Variants in EPHA7 observed in about 807,000 individuals in gnomAD.
The protein encoded by EPHA7 is ephrin type-A receptor 7.
A neutral mutation model predicts 112.6 loss-of-function variants in EPHA7; 25 were observed. That is an observed-to-expected ratio of 0.22 (90% CI 0.16 to 0.31). EPHA7 has a LOEUF of 0.31. Among genes scored for constraint, EPHA7 ranks in the 10% least tolerant of loss-of-function variants. EPHA7 has a pLI of 1.00. For missense variants in EPHA7, 962 were observed against 1,212.6 expected, an observed-to-expected ratio of 0.79 and a Z score of 3.07; for synonymous variants, 437 against 406.5, an observed-to-expected ratio of 1.07 and a Z score of -0.90.
rs551314692 is a variant in EPHA7 at position 93,320,232 on chromosome 6, G to C, written c.1324+36485C>G. On this transcript the variant is annotated intron_variant, in intron 5 of 16. Transcript: ENST00000369303. ...TTCATGCCTGGTTTTATTTTACTCA[G>C]AAGTGCTTTAATAAATGTCATATTT... Among the ~76,000 whole-genome samples the C allele has an allele frequency of 6.6e-5, 10 of 152,082 alleles. 1 individual carries two copies. In the South Asian group the frequency reaches 2.1e-3, roughly 31 times the overall value.
chr6:93,331,114 A>ATTCC (rs1774571652), intron 5 of EPHA7, among the ~76,000 whole-genome samples: 1 of 151,456 alleles, frequency 6.6e-6, no homozygotes, highest in Non-Finnish European at 1.5e-5. Flanking sequence ...CAAATTGTAA[A>ATTCC]ATTAGCAACA....
At chr6:93,385,346 C>T (rs1777546856) in intron 3 of EPHA7, among the ~76,000 whole-genome samples, 1 of 151,722 alleles carries the variant, frequency 6.6e-6, no homozygotes, top group Non-Finnish European at 1.5e-5. Context: ...CTAAATAATC[C>T]ACCTCTATGT....
At chr6:93,311,650 T>C (rs903581275) in intron 5 of EPHA7, among the ~76,000 whole-genome samples, 1 of 151,700 alleles carries the variant, frequency 6.6e-6, no homozygotes, top group Non-Finnish European at 1.5e-5. Context: ...CCTATTGATG[T>C]TGAAAATTTG....
intron 3 of EPHA7, among the ~76,000 whole-genome samples, chr6:93,392,522 A>G (rs1777962098): frequency 6.6e-6 from 1 of 152,032 alleles, no homozygotes. Context: ...AACTGATTAT[A>G]TGACAAAAAT....
intron 3 of EPHA7, among the ~76,000 whole-genome samples, chr6:93,363,534 T>C (rs1262544023): frequency 6.6e-6 from 1 of 152,144 alleles, no homozygotes; most frequent in Non-Finnish European, 1.5e-5. Flanking sequence ...ACCACACATC[T>C]ACTAGGATGG....
At position 93,362,350 on chromosome 6, in the gene EPHA7, G is replaced by A. The variant is rs540236093; in HGVS notation, c.833-3939C>T. Among the ~76,000 whole-genome samples the A allele has an allele frequency of 4.1e-4, 62 of 152,006 alleles. 1 individual carries two copies. The highest frequency in any genetic ancestry group is 1.0e-4 in the Non-Finnish European group (7 of 67,908). The stretch of plus-strand genomic sequence containing the variant: ...ATAAGATCTGCTATATTACTGTTAT[G>A]AAATAAATGTAGTTTATTGTATTTA... On this transcript the variant is annotated intron_variant, in intron 3 of 16. Coordinates refer to ENST00000369303, the MANE Select transcript of EPHA7 (RefSeq NM_004440.4).
At chr6:93,364,935 TAG>T (rs1329090355) in intron 3 of EPHA7, among the ~76,000 whole-genome samples, 1 of 151,858 alleles carries the variant, frequency 6.6e-6, no homozygotes, top group African/African-American at 2.4e-5. Flanking sequence ...AGCTTATATT[TAG>T]AGGAGATTTT....
At chr6:93,354,543 TTAAG>T (rs1177678913) in intron 5 of EPHA7, among the ~76,000 whole-genome samples, 2 of 151,280 alleles carry the variant, frequency 1.3e-5, no homozygotes, top group South Asian at 2.1e-4. Context: ...TAATATACGA[TTAAG>T]TATTTTTAGT....
chr6:93,411,309 T>C, intron 2 of EPHA7, 139 bp from the exon 3 acceptor site: 1 of 673,502 alleles, frequency 1.5e-6, no homozygotes, highest in Non-Finnish European at 2.5e-6. Context: ...AACCAGAGAA[T>C]GTAAGATTCC....
chr6:93,281,120 T>C (rs1007558933), intron 5 of EPHA7, among the ~76,000 whole-genome samples: 7 of 152,194 alleles, frequency 4.6e-5, no homozygotes, highest in African/African-American at 1.7e-4. Flanking sequence ...ATAATCCATT[T>C]GTATAATTTA....
chr6:93,411,190 G>T lies in EPHA7; in HGVS notation c.163-20C>A, dbSNP rs1374607196. ...TTCCCACTGTAAAATTTGAAAAAAG[G>T]TCATCAGTCATTCAGCAAAAAATAA... On this transcript the variant is annotated intron_variant, in intron 2 of 16. Coordinates refer to ENST00000369303, the MANE Select transcript of EPHA7 (RefSeq NM_004440.4). 1.3e-6 allele frequency: 2 copies of T among 1,580,966 alleles called. No individual in the cohort carries two copies. Among genetic ancestry groups the T allele is most frequent in the Non-Finnish European group, 1.7e-6 (2 of 1,159,370 alleles).
At chr6:93,382,376 T>A (rs1777380038) in intron 3 of EPHA7, among the ~76,000 whole-genome samples, 1 of 152,154 alleles carries the variant, frequency 6.6e-6, no homozygotes, top group African/African-American at 2.4e-5. Flanking sequence ...CCTATGAGAA[T>A]GTAATGCTGA....
At chr6:93,268,395 C>T (rs1216889390) in intron 7 of EPHA7, among the ~76,000 whole-genome samples, 1 of 151,758 alleles carries the variant, frequency 6.6e-6, no homozygotes, top group African/African-American at 2.4e-5. Flanking sequence ...ATTTACTCCA[C>T]CTTTTGAAGA....
chr6:93,353,105 C>T (rs1223348608), intron 5 of EPHA7, among the ~76,000 whole-genome samples: 1 of 151,948 alleles, frequency 6.6e-6, no homozygotes, highest in Non-Finnish European at 1.5e-5. Context: ...TTAAAAAAGG[C>T]ATTTTTTAAA....
At chr6:93,346,600 T>C (rs1052138666) in intron 5 of EPHA7, among the ~76,000 whole-genome samples, 1 of 151,802 alleles carries the variant, frequency 6.6e-6, no homozygotes, top group Non-Finnish European at 1.5e-5. Context: ...TTATAATTGT[T>C]TACTATCTCC....
chr6:93,292,129 C>T (rs1772412439), intron 5 of EPHA7, among the ~76,000 whole-genome samples: 1 of 152,174 alleles, frequency 6.6e-6, no homozygotes, highest in African/African-American at 2.4e-5. Flanking sequence ...CACACTCCTT[C>T]ACAAGATTTG....
chr6:93,267,211 G>A (rs345721), intron 7 of EPHA7, among the ~76,000 whole-genome samples: 3,849 of 151,580 alleles, frequency 0.025, 144 homozygotes, highest in African/African-American at 0.088. Flanking sequence ...ATAGTAAAAG[G>A]GCTCCTGGGA....
At chr6:93,344,572 C>G (rs1292686147) in intron 5 of EPHA7, among the ~76,000 whole-genome samples, 4 of 151,676 alleles carry the variant, frequency 2.6e-5, no homozygotes, top group Non-Finnish European at 1.5e-5. Flanking sequence ...GCTGAATACT[C>G]TACTACGTAT....
intron 3 of EPHA7, among the ~76,000 whole-genome samples, chr6:93,405,825 A>G (rs1229115859): frequency 0.3 from 34,309 of 116,018 alleles, 5,183 homozygotes; most frequent in Non-Finnish European, 0.34. Flanking sequence ...ATATATATAT[A>G]TATATATATA....
Sources: allele counts gnomAD v4.1 joint callset (sites outside exome capture counted in the v4.1 genomes callset), GRCh38; gene constraint gnomAD v4.1.1; transcripts MANE v1.5; gene names NCBI Gene and HGNC (gene_info 2026-07-23, HGNC 2026-07-21).